DPYD: variants seen among roughly 807,000 people sequenced by gnomAD.
DPYD encodes dihydropyrimidine dehydrogenase [NADP(+)].
In DPYD, 109 loss-of-function variants were observed where a neutral mutation model predicts 116.2. The observed-to-expected ratio is 0.94, with a 90% CI of 0.80 to 1.10. DPYD has a LOEUF of 1.10. Among genes scored for constraint, DPYD ranks in the 50% least tolerant of loss-of-function variants. The pLI is 0.00. For missense variants in DPYD, 1,302 were observed against 1,254.5 expected (o/e 1.04, Z -0.57); for synonymous variants, 440 against 432.0 (o/e 1.02, Z -0.23).
intron 20 of DPYD, among the ~76,000 whole-genome samples, chr1:97,165,491 C>T (rs1446012056): frequency 6.6e-6 from 1 of 152,028 alleles, no homozygotes; most frequent in Non-Finnish European, 1.5e-5. Context: ...CTAGACAACA[C>T]CATTCTAGAT....
chr1:97,461,738 G>A (rs1421533035), intron 13 of DPYD, among the ~76,000 whole-genome samples: 1 of 152,144 alleles, frequency 6.6e-6, no homozygotes, highest in Non-Finnish European at 1.5e-5. Flanking sequence ...AGGCCATAAA[G>A]ATGCTTGTAT....
At chr1:97,125,384 A>G (rs1157593717) in intron 20 of DPYD, among the ~76,000 whole-genome samples, 1 of 152,110 alleles carries the variant, frequency 6.6e-6, no homozygotes, top group African/African-American at 2.4e-5. Context: ...ATTTTTTCTC[A>G]CTCATATCCA....
At chr1:97,183,234 T>C (rs1002475976) in intron 20 of DPYD, among the ~76,000 whole-genome samples, 2 of 152,146 alleles carry the variant, frequency 1.3e-5, no homozygotes, top group African/African-American at 2.4e-5. Context: ...TCTTATAGTC[T>C]TACCTTACTG....
At chr1:97,454,317 A>G (rs1406986852) in intron 13 of DPYD, among the ~76,000 whole-genome samples, 2 of 151,970 alleles carry the variant, frequency 1.3e-5, no homozygotes, top group African/African-American at 2.4e-5. Flanking sequence ...TAATTGGACA[A>G]TAACTTACTA....
chr1:97,173,263 TATGTACATATATATGCACACATATATGTA>T (rs1656903222), intron 20 of DPYD, among the ~76,000 whole-genome samples: 1 of 148,016 alleles, frequency 6.8e-6, no homozygotes, highest in African/African-American at 2.6e-5. Context: ...TATGCACACA[TATGTACATATATATGCACACATATATGTA>T]CACATATGTA....
chr1:97,698,170 T>C (rs1215516020), intron 6 of DPYD, among the ~76,000 whole-genome samples: 1 of 151,872 alleles, frequency 6.6e-6, no homozygotes, highest in Admixed American at 6.6e-5. Flanking sequence ...TACAGAAGAA[T>C]AATTATTTCT....
chr1:97,187,155 T>C (rs1206568668), intron 20 of DPYD, among the ~76,000 whole-genome samples: 1 of 152,162 alleles, frequency 6.6e-6, no homozygotes, highest in East Asian at 1.9e-4. Context: ...ATCTCTATAC[T>C]CTTTTCCACA....
Position 97,450,202 on chromosome 1 carries a change from G to A in DPYD, c.1762C>T (p.Pro588Ser), listed in dbSNP as rs1221353173. ...LDKDIVTNVS[P>S]RIIRGTTSGP... ...GAGGTGGTTCCCCGGATGATTCTGG[G>A]GGAAACATTTGTCACAATGTCCTGA... Residue 588 changes from proline (P) to serine (S), a missense_variant, in exon 14 of 23, where the codon CCC becomes TCC. Transcript: ENST00000370192. 3 of 1,613,590 alleles carry A rather than the reference G, an allele frequency of 1.9e-6. No homozygotes were observed. The highest frequency in any genetic ancestry group is 1.7e-4 in the Middle Eastern group (1 of 6,060).
intron 14 of DPYD, among the ~76,000 whole-genome samples, chr1:97,389,156 A>G (rs1577895): frequency 0.048 from 7,296 of 152,062 alleles, 280 homozygotes; most frequent in East Asian, 0.18. Flanking sequence ...GTCTCTAAAA[A>G]TGGGCCAAGC....
chr1:97,200,641 C>T (rs72726631), intron 19 of DPYD, among the ~76,000 whole-genome samples: 4,159 of 152,216 alleles, frequency 0.027, 158 homozygotes, highest in African/African-American at 0.088. Flanking sequence ...TTATATAGCA[C>T]TTTATAGTTT....
intron 3 of DPYD, among the ~76,000 whole-genome samples, chr1:97,811,840 T>C (rs948228193): frequency 6.6e-6 from 1 of 151,956 alleles, no homozygotes; most frequent in Non-Finnish European, 1.5e-5. Flanking sequence ...TACCCTTTAA[T>C]TATCAATCAC....
chr1:97,632,388 A>G (rs906973667), intron 8 of DPYD, among the ~76,000 whole-genome samples: 12 of 152,266 alleles, frequency 7.9e-5, no homozygotes, highest in Admixed American at 2.0e-4. Flanking sequence ...CTGCTTAAGT[A>G]AACAATCTTT....
At chr1:97,293,896 A>T (rs1666366781) in intron 18 of DPYD, among the ~76,000 whole-genome samples, 1 of 152,054 alleles carries the variant, frequency 6.6e-6, no homozygotes. Context: ...TGCAGTGAGC[A>T]GAGATCACAC....
intron 21 of DPYD, among the ~76,000 whole-genome samples, chr1:97,089,827 GTT>G (rs112112819): frequency 0.015 from 1,944 of 126,566 alleles, 36 homozygotes; most frequent in African/African-American, 0.052. Flanking sequence ...CATTTTGTTT[GTT>G]TTTTTTTTTT....
At chr1:97,839,138 T>C (rs978266786) in intron 2 of DPYD, among the ~76,000 whole-genome samples, 11 of 152,216 alleles carry the variant, frequency 7.2e-5, no homozygotes, top group Non-Finnish European at 1.6e-4. Flanking sequence ...AAAAACGTTT[T>C]AGTAACAAAC....
At chr1:97,410,075 A>C (rs964226982) in intron 14 of DPYD, among the ~76,000 whole-genome samples, 5 of 148,416 alleles carry the variant, frequency 3.4e-5, no homozygotes, top group African/African-American at 9.8e-5. Context: ...CAAAAAAGAA[A>C]AAGAAAGAAG....
In DPYD at chr1:97,115,191, C is replaced by T. The variant is rs371841697; in HGVS notation, c.2623-16559G>A. Among the ~76,000 whole-genome samples the T allele has an allele frequency of 2.2e-4, 33 of 152,306 alleles. No homozygotes were observed. In the South Asian group the frequency reaches 6.4e-3, roughly 30 times the overall value. On this transcript the variant is annotated intron_variant, in intron 20 of 22. Transcript: ENST00000370192. ...AGGCTCACTCTTCACTTGCTTTCAT[C>T]AATGTTTTGTGTCAACACACAGAAT...
intron 20 of DPYD, among the ~76,000 whole-genome samples, chr1:97,114,501 T>C (rs1308199200): frequency 6.6e-6 from 1 of 152,194 alleles, no homozygotes; most frequent in Admixed American, 6.6e-5. Context: ...TATTTCTCCA[T>C]GAATGTCTTT....
At chr1:97,307,145 T>G (rs61786356) in intron 16 of DPYD, among the ~76,000 whole-genome samples, 36,752 of 151,740 alleles carry the variant, frequency 0.24, 5,476 homozygotes, top group Admixed American at 0.39. Context: ...ACACATACAA[T>G]AGTCCTTTTT....
Sources: gnomAD v4.1 joint callset for allele counts (sites outside exome capture counted in the v4.1 genomes callset) on GRCh38, gnomAD v4.1.1 for gene constraint, MANE v1.5 for transcripts, NCBI Gene and HGNC (gene_info 2026-07-23, HGNC 2026-07-21) for gene names.